BMP1: variants seen among roughly 807,000 people sequenced by gnomAD.
BMP1 encodes the protein mammalian tolloid protein.
In BMP1, 63 loss-of-function variants were observed where a neutral mutation model predicts 116.8. The ratio of observed to expected loss-of-function variants is 0.54; its 90% CI spans 0.44 to 0.67. The LOEUF is 0.67. BMP1 is among the 30% of genes least tolerant of loss of function. The pLI is 0.00. For synonymous variants in BMP1, 536 were observed against 533.4 expected, an observed-to-expected ratio of 1.00 and a Z score of -0.07; for missense variants, 1,183 against 1,358.9, an observed-to-expected ratio of 0.87 and a Z score of 2.04.
In BMP1 at chr8:22,178,392, G is replaced by A. The variant is rs2131852364; in HGVS notation, c.836+435G>A. ...GCAGCCTCAAACTCCTAGGCTCAAGGAATCGTCCCGTCTCAGCCTACTGAG... is the reference window on the plus strand; with the variant it reads ...GCAGCCTCAAACTCCTAGGCTCAAGAAATCGTCCCGTCTCAGCCTACTGAG... On this transcript the variant is annotated intron_variant, in intron 6 of 19. Transcript: ENST00000306385. Among the ~76,000 whole-genome samples, 3 of 152,258 alleles carry A rather than the reference G, an allele frequency of 2.0e-5. No homozygotes were observed. The South Asian group carries it at 6.2e-4, about 32-fold the overall frequency.
rs1563275228 is a variant in BMP1 at position 22,201,967 on chromosome 8, C to T, written c.2233+39C>T. 8 of 1,584,050 alleles carry T rather than the reference C, an allele frequency of 5.1e-6. No homozygotes were observed. In the Middle Eastern group the frequency reaches 5.1e-4, roughly 100 times the overall value. On this transcript the variant is annotated intron_variant, in intron 16 of 19. Coordinates refer to ENST00000306385, the MANE Select transcript of BMP1 (RefSeq NM_006129.5). ...GCCAGGGGCATCTGGGCTTGAAGGA[C>T]CTGCTGCTGGGAGTGGAAGCCCAGA...
chr8:22,201,369 C>G (rs1181923179), intron 15 of BMP1: 1 of 1,472,860 alleles, frequency 6.8e-7, no homozygotes, highest in Admixed American at 2.5e-5. Context: ...TGTGCCCGTC[C>G]GCGGACCGGG....
intron 15 of BMP1, chr8:22,201,132 C>G: frequency 6.2e-7 from 1 of 1,611,218 alleles, no homozygotes; most frequent in South Asian, 1.1e-5. Context: ...GAGGCCAGCT[C>G]TGCAGCCCCC....
chr8:22,165,612 G>A, intron 1 of BMP1, 59 bp downstream of exon 1: 2 of 1,508,358 alleles, frequency 1.3e-6, no homozygotes, highest in South Asian at 1.3e-5. Flanking sequence ...GCGGGTTCGG[G>A]CTTGGGGTTG....
chr8:22,176,862 G>A, intron 4 of BMP1, 99 bp from the exon 5 acceptor site: 1 of 1,106,800 alleles, frequency 9.0e-7, no homozygotes, highest in East Asian at 2.6e-5. Flanking sequence ...CCTCCCCTTC[G>A]CTCCCCTGCC....
At chr8:22,198,469 G>C (rs1043326626) in intron 15 of BMP1, 1 of 152,406 alleles carries the variant, frequency 6.6e-6, no homozygotes, top group African/African-American at 2.4e-5. Flanking sequence ...GGGTGAGGCT[G>C]TAAGGTAGCT....
In BMP1 at chr8:22,201,211, C is replaced by T. The variant is rs200875741; in HGVS notation, c.2108-592C>T. 77 of 1,612,494 alleles carry T rather than the reference C, an allele frequency of 4.8e-5. No individual in the cohort carries two copies. In the African/African-American group the frequency reaches 8.1e-4, roughly 17 times the overall value. On this transcript the variant is annotated intron_variant, in intron 15 of 19. Coordinates refer to ENST00000306385, the MANE Select transcript of BMP1 (RefSeq NM_006129.5). ...AACCGGACCCCCCAGTGAGGCCTGC[C>T]AGGCCTCCCGGACCCCTTGTTACTC...
chr8:22,181,196 C>A (rs997991828), intron 8 of BMP1, among the ~76,000 whole-genome samples: 9 of 152,222 alleles, frequency 5.9e-5, no homozygotes, highest in African/African-American at 1.7e-4. Flanking sequence ...TACCTGTCAC[C>A]TGCTATATCA....
Position 22,206,873 on chromosome 8 carries a change from G to A in BMP1, c.2253G>A (p.Val751=), listed in dbSNP as rs371289251. The A allele has an allele frequency of 2.5e-6, 4 of 1,614,054 alleles. No individual in the cohort carries two copies. Among genetic ancestry groups the A allele is most frequent in the African/African-American group, 1.3e-5 (1 of 74,934 alleles). ...DCKEAGCDHK[V]TSTSGTITSP... ...CTGCAGCCGGCTGTGACCACAAGGT[G>A]ACATCCACCAGTGGTACCATCACCA... Residue 751 remains valine (V), a synonymous_variant, in exon 17 of 20, where the codon GTG becomes GTA. Coordinates refer to ENST00000306385, the MANE Select transcript of BMP1 (RefSeq NM_006129.5).
chr8:22,179,652 C>T lies in BMP1; in HGVS notation c.837-53C>T, dbSNP rs114203819. ...GGTACAGATGGGCATGCCACCCACT[C>T]CCTGCCCACTGTCCATGAGACGCTC... On this transcript the variant is annotated intron_variant, in intron 6 of 19. Coordinates refer to ENST00000306385, the MANE Select transcript of BMP1 (RefSeq NM_006129.5). This position sits in a 1 kb window ranked among gnomAD's most constrained non-coding sequence, Gnocchi z 4.6. 8 of 1,609,728 alleles carry T rather than the reference C, an allele frequency of 5.0e-6. No individual in the cohort carries two copies. In the African/African-American group the frequency reaches 9.4e-5, roughly 19 times the overall value.
intron 1 of BMP1, among the ~76,000 whole-genome samples, chr8:22,167,611 T>C (rs1279486705): frequency 6.6e-6 from 1 of 152,150 alleles, no homozygotes; most frequent in Non-Finnish European, 1.5e-5. Flanking sequence ...TCAGGTTTCA[T>C]GCTAGGGTGG....
intron 8 of BMP1, among the ~76,000 whole-genome samples, chr8:22,185,271 G>A (rs1828734772): frequency 6.6e-6 from 1 of 152,000 alleles, no homozygotes; most frequent in Admixed American, 6.6e-5. Context: ...GGCCAACGTG[G>A]TGAAACCCTG....
intron 19 of BMP1, 67 bp from the exon 20 acceptor site, chr8:22,211,527 T>G: frequency 6.2e-7 from 1 of 1,603,648 alleles, no homozygotes; most frequent in East Asian, 2.2e-5. Flanking sequence ...GCTGGGGATC[T>G]TGGGGAGGCA....
At chr8:22,188,610 A>G (rs1335145418) in intron 8 of BMP1, among the ~76,000 whole-genome samples, 1 of 152,226 alleles carries the variant, frequency 6.6e-6, no homozygotes, top group African/African-American at 2.4e-5. Flanking sequence ...AGCTGTTTCC[A>G]CACGACAGAA....
chr8:22,187,550 C>T lies in BMP1; in HGVS notation c.1078-4499C>T, dbSNP rs547652408. 3.2e-4 allele frequency among the ~76,000 whole-genome samples: 46 copies of T among 144,890 alleles called. No individual in the cohort carries two copies. The East Asian group carries it at 5.2e-3, about 16-fold the overall frequency. ...ATTTTTAGTAGAGACAGGGTTTCAC[C>T]GTGTTAGCCAGCATGGTCTCGATCT... On this transcript the variant is annotated intron_variant, in intron 8 of 19. Transcript: ENST00000306385.
chr8:22,197,240 G>A lies in BMP1; in HGVS notation c.1927G>A (p.Val643Met), dbSNP rs1231002424. 3.1e-6 allele frequency: 5 copies of A among 1,607,532 alleles called. No homozygotes were observed. In the African/African-American group the frequency reaches 4.0e-5, roughly 13 times the overall value. Residue 643 changes from valine (V) to methionine (M), a missense_variant and splice_region_variant, in exon 15 of 20, where the codon GTG (valine) becomes ATG (methionine). Val to Met is a conservative substitution (Grantham distance 21). Around this residue, in one of 4 missense-constraint regions of BMP1, gnomAD observed 956 missense variants for 1,135.2 expected, o/e 0.84. Transcript: ENST00000306385. The part of the protein sequence containing the change: ...FDFFETEGND[V>M]CKYDFVEVRS... ...GGCCTGGAGCTGGGCTTCCCTGCAGGTGTGCAAGTACGACTTCGTGGAGGT... is the reference window on the plus strand; with the variant it reads ...GGCCTGGAGCTGGGCTTCCCTGCAGATGTGCAAGTACGACTTCGTGGAGGT...
intron 5 of BMP1, chr8:22,177,523 C>T (rs1828482137): frequency 4.2e-6 from 3 of 716,978 alleles, no homozygotes; most frequent in African/African-American, 1.7e-5. Flanking sequence ...CTCATTTTCT[C>T]GATGTCTCTG....
In BMP1 at chr8:22,197,434, G is replaced by T. The variant is rs781447779; in HGVS notation, c.2107+14G>T. 8.8e-6 allele frequency: 14 copies of T among 1,593,514 alleles called. No individual in the cohort carries two copies. The highest frequency in any genetic ancestry group is 1.3e-5 in the African/African-American group (1 of 74,576). On this transcript the variant is annotated intron_variant, in intron 15 of 19. Transcript: ENST00000306385. ...ACTTCTTCTCAGGTATCCCTGGACTGCCCAGCTCCTAGCCCCACCTCTCCT... is the reference window on the plus strand; with the variant it reads ...ACTTCTTCTCAGGTATCCCTGGACTTCCCAGCTCCTAGCCCCACCTCTCCT...
In BMP1 at chr8:22,176,649, G is replaced by A. The variant is rs369136142; in HGVS notation, c.550G>A (p.Gly184Arg). 4.3e-6 allele frequency: 7 copies of A among 1,613,914 alleles called. No individual in the cohort carries two copies. The highest frequency in any genetic ancestry group is 1.3e-5 in the African/African-American group (1 of 74,916). The change falls in exon 4 of 20, where the codon GGG becomes AGG. Residue 184 changes from glycine (G) to arginine (R), a missense_variant and splice_region_variant. By Grantham distance (125) the Gly-to-Arg change is moderately radical (BLOSUM62 -2). Transcript: ENST00000306385. The part of the protein sequence containing the change: ...SYIVFTYRPC[G>R]CCSYVGRRGG... Reference sequence around the variant, plus strand: ...TATTGTGTTCACCTATCGACCTTGCGGGTGAGCAGGAAGCCCTAGGCGCTG... The same window carrying A: ...TATTGTGTTCACCTATCGACCTTGCAGGTGAGCAGGAAGCCCTAGGCGCTG...
Sources: allele counts gnomAD v4.1 joint callset (sites outside exome capture counted in the v4.1 genomes callset), GRCh38; gene constraint gnomAD v4.1.1; regional missense constraint gnomAD v4.1.1; non-coding constraint Gnocchi (gnomAD v3.1); transcripts MANE v1.5; gene names NCBI Gene and HGNC (gene_info 2026-07-23, HGNC 2026-07-21).